Variants in GALT observed in about 807,000 individuals in gnomAD.
GALT encodes UDP-glucose--hexose-1-phosphate uridylyltransferase.
In GALT, 42 loss-of-function variants were observed where a neutral mutation model predicts 55.4. The ratio of observed to expected loss-of-function variants is 0.76; its 90% CI spans 0.59 to 0.98. The LOEUF is 0.98. Ranked by LOEUF, GALT falls within the 50% of genes least tolerant of loss-of-function variation. GALT has a pLI of 0.00. For synonymous variants in GALT, 154 were observed against 181.5 expected, an observed-to-expected ratio of 0.85 and a Z score of 1.22; for missense variants, 407 against 495.7, an observed-to-expected ratio of 0.82 and a Z score of 1.70.
chr9:34,648,873 C>T lies in GALT; in HGVS notation c.799C>T (p.Leu267=), dbSNP rs764006034. The change falls in exon 8 of 11, where the codon CTG becomes TTG. Residue 267 remains leucine, a synonymous_variant. Coordinates refer to ENST00000378842, the MANE Select transcript of GALT (RefSeq NM_000155.4). This position sits in a 1 kb window ranked among gnomAD's most constrained non-coding sequence, Gnocchi z 4.9. The stretch of plus-strand genomic sequence containing the variant: ...TCGGCATGTGCGGCGGCTACCTGAG[C>T]TGACCCCTGCTGAGCGTGATGGTCA... ...PRRHVRRLPE[L]TPAERDDLAS... is the part of the protein sequence containing the mutation. 2.5e-6 allele frequency: 4 copies of T among 1,613,200 alleles called. No individual in the cohort carries two copies. In the East Asian group the frequency reaches 8.9e-5, roughly 36 times the overall value.
chr9:34,650,313 C>CCATTCTTG, intron 10 of GALT, 56 bp from the exon 11 acceptor site: 1 of 1,077,482 alleles, frequency 9.3e-7, no homozygotes, highest in Non-Finnish European at 1.4e-6. Flanking sequence ...GTCCATGCCA[C>CCATTCTTG]CATTCTTGGC....
At chr9:34,650,169 G>C (rs1324448528) in intron 10 of GALT, 200 bp from the exon 11 acceptor site, 1 of 588,982 alleles carries the variant, frequency 1.7e-6, no homozygotes, top group African/African-American at 1.9e-5. Context: ...TGTGGTCCCA[G>C]ATACTTGGGA....
chr9:34,647,174 A>T lies in GALT; in HGVS notation c.168A>T (p.Gln56His). The T allele has an allele frequency of 1.2e-6, 2 of 1,614,162 alleles. No individual in the cohort carries two copies. The highest frequency in any genetic ancestry group is 1.7e-6 in the Non-Finnish European group (2 of 1,180,026). Reference sequence around the variant, plus strand: ...GCATGAAGCGGCCCTGGCAGGGTCAAGTGGAGCCCCAGCTTCTGAAGACAG... The same window carrying T: ...GCATGAAGCGGCCCTGGCAGGGTCATGTGGAGCCCCAGCTTCTGAAGACAG... The part of the protein sequence containing the change: ...AHRMKRPWQG[Q>H]VEPQLLKTVP... Residue 56 changes from glutamine (Q) to histidine (H), a missense_variant, in exon 2 of 11, where the codon CAA (glutamine) becomes CAT (histidine). Transcript: ENST00000378842. The surrounding 1 kb of genome is among the most constrained non-coding windows in gnomAD (Gnocchi z 5.6).
Position 34,649,038 on chromosome 9 carries a change from C to G in GALT, c.861C>G (p.Asp287Glu). The G allele has an allele frequency of 6.2e-7, 1 of 1,614,170 alleles. No individual in the cohort carries two copies. Among genetic ancestry groups the G allele is most frequent in the Non-Finnish European group, 8.5e-7 (1 of 1,180,018 alleles). The change falls in exon 9 of 11, where the codon GAC becomes GAG. Residue 287 changes from aspartate (D) to glutamate (E), a missense_variant. Coordinates refer to ENST00000378842, the MANE Select transcript of GALT (RefSeq NM_000155.4). ...SIMKKLLTKY[D>E]NLFETSFPYS... Reference sequence around the variant, plus strand: ...TGAAGAAGCTCTTGACCAAGTATGACAACCTCTTTGAGACGTCCTTTCCCT... The same window carrying G: ...TGAAGAAGCTCTTGACCAAGTATGAGAACCTCTTTGAGACGTCCTTTCCCT...
In GALT at chr9:34,648,411, A is replaced by C. The variant is rs1821165725; in HGVS notation, c.642A>C (p.Gly214=). 1 of 1,614,182 alleles carries C rather than the reference A, an allele frequency of 6.2e-7. No individual in the cohort carries two copies. The highest frequency in any genetic ancestry group is 1.3e-5 in the African/African-American group (1 of 75,036). Residue 214 remains glycine (G), a synonymous_variant, in exon 7 of 11, where the codon GGA becomes GGC. Coordinates refer to ENST00000378842, the MANE Select transcript of GALT (RefSeq NM_000155.4). This position sits in a 1 kb window ranked among gnomAD's most constrained non-coding sequence, Gnocchi z 4.9. ...RSQQAYKSQH[G]EPLLMEYSRQ... ...AGCAGGCCTATAAGAGTCAGCATGG[A>C]GAGCCCCTGCTAATGGAGTACAGCC...
chr9:34,647,308 C>A lies in GALT; in HGVS notation c.252+50C>A. The A allele has an allele frequency of 6.2e-7, 1 of 1,611,124 alleles. No homozygotes were observed. The highest frequency in any genetic ancestry group is 8.5e-7 in the Non-Finnish European group (1 of 1,177,652). On this transcript the variant is annotated intron_variant, in intron 2 of 10. Coordinates refer to ENST00000378842, the MANE Select transcript of GALT (RefSeq NM_000155.4). The surrounding 1 kb of genome is among the most constrained non-coding windows in gnomAD (Gnocchi z 5.6). ...GCAGGCTGGGCCACGGGGAGTAGTT[C>A]CCTCTTAGAACTGTCCTCCACCCAC...
Position 34,647,910 on chromosome 9 carries a change from T to G in GALT, c.456T>G (p.Asp152Glu). The G allele has an allele frequency of 6.2e-7, 1 of 1,614,224 alleles. No individual in the cohort carries two copies. The change falls in exon 5 of 11, where the codon GAT becomes GAG. Residue 152 changes from aspartate (D) to glutamate (E), a missense_variant. Asp to Glu is a conservative substitution (Grantham distance 45). Transcript: ENST00000378842. This position sits in a 1 kb window ranked among gnomAD's most constrained non-coding sequence, Gnocchi z 5.6. The stretch of plus-strand genomic sequence containing the variant: ...TCCCTGAGATCCGGGCTGTTGTTGA[T>G]GCATGGGCCTCAGTCACAGAGGAGC... ...MSVPEIRAVV[D>E]AWASVTEELG...
intron 10 of GALT, 181 bp downstream of exon 10, chr9:34,649,745 C>T: frequency 1.6e-6 from 1 of 639,630 alleles, no homozygotes; most frequent in South Asian, 1.8e-5. Context: ...CTCAGATCCC[C>T]CTTCTCTCCT....
chr9:34,648,656 T>C lies in GALT; in HGVS notation c.688-106T>C. 2.0e-6 allele frequency: 3 copies of C among 1,525,262 alleles called. No individual in the cohort carries two copies. The highest frequency in any genetic ancestry group is 1.8e-6 in the Non-Finnish European group (2 of 1,107,352). 94.5% of individuals were successfully genotyped at this position (1,525,262 alleles called of 1,614,324 possible). Reference sequence around the variant, plus strand: ...TAGTGGTAGAGGTGGTGAGAAGACATCAGATCCTGGGCACATTCTTTTCTT... The same window carrying C: ...TAGTGGTAGAGGTGGTGAGAAGACACCAGATCCTGGGCACATTCTTTTCTT... On this transcript the variant is annotated intron_variant, in intron 7 of 10. Transcript: ENST00000378842. The surrounding 1 kb of genome is among the most constrained non-coding windows in gnomAD (Gnocchi z 4.9).
chr9:34,647,889 T>C lies in GALT; in HGVS notation c.435T>C (p.Pro145=). 1 of 1,613,552 alleles carries C rather than the reference T, an allele frequency of 6.2e-7. No individual in the cohort carries two copies. The highest frequency in any genetic ancestry group is 8.5e-7 in the Non-Finnish European group (1 of 1,179,446). ...TAACGCTGCCACTCATGTCGGTCCC[T>C]GAGATCCGGGCTGTTGTTGATGCAT... The part of the protein sequence containing the change: ...SDVTLPLMSV[P]EIRAVVDAWA... The change falls in exon 5 of 11, where the codon CCT becomes CCC. Residue 145 remains proline, a synonymous_variant. Coordinates refer to ENST00000378842, the MANE Select transcript of GALT (RefSeq NM_000155.4). The surrounding 1 kb of genome is among the most constrained non-coding windows in gnomAD (Gnocchi z 5.6).
At position 34,650,878 on chromosome 9, in the gene GALT, G is replaced by A. The variant is rs764034200; in HGVS notation, c.*429G>A. 3.2e-5 allele frequency: 6 copies of A among 189,026 alleles called. No homozygotes were observed. Among genetic ancestry groups the A allele is most frequent in the Admixed American group, 5.7e-5 (1 of 17,672 alleles). The allele number at this position is 189,026 out of a possible 1,614,324, so 11.7% of individuals were successfully genotyped here. A position where few individuals can be genotyped will look rare whatever the true frequency, so the allele number is the denominator to read the frequency against. ...AGCCCCCTTTGCCACCACCCCTAGG[G>A]TGTCAGCTCCAAGCCTGGGCCTGAG... On this transcript the variant is annotated 3_prime_UTR_variant, in exon 11 of 11. Coordinates refer to ENST00000378842, the MANE Select transcript of GALT (RefSeq NM_000155.4).
Position 34,647,995 on chromosome 9 carries a change from G to C in GALT, c.507+34G>C. 6.2e-7 allele frequency: 1 copy of C among 1,614,228 alleles called. No homozygotes were observed. Among genetic ancestry groups the C allele is most frequent in the East Asian group, 2.2e-5 (1 of 44,884 alleles). On this transcript the variant is annotated intron_variant, in intron 5 of 10. Transcript: ENST00000378842. The surrounding 1 kb of genome is among the most constrained non-coding windows in gnomAD (Gnocchi z 5.6). ...GGTCGCCCCTTCCCCTGGATGGGCA[G>C]GGAGGGGGTGATGAAGCTTTGGTTC...
Position 34,648,621 on chromosome 9 carries a change from C to A in GALT, c.688-141C>A. 6.7e-7 allele frequency: 1 copy of A among 1,482,280 alleles called. No individual in the cohort carries two copies. The highest frequency in any genetic ancestry group is 9.4e-7 in the Non-Finnish European group (1 of 1,067,820). The allele number at this position is 1,482,280 out of a possible 1,614,324, so 91.8% of individuals were successfully genotyped here. A position where few individuals can be genotyped will look rare whatever the true frequency, so the allele number is the denominator to read the frequency against. On this transcript the variant is annotated intron_variant, in intron 7 of 10. Coordinates refer to ENST00000378842, the MANE Select transcript of GALT (RefSeq NM_000155.4). The surrounding 1 kb of genome is among the most constrained non-coding windows in gnomAD (Gnocchi z 4.9). Reference sequence around the variant, plus strand: ...AAAGGAAAGATGATGGTGACTTAGACTCGGGTGGTTAGTGGTAGAGGTGGT... The same window carrying A: ...AAAGGAAAGATGATGGTGACTTAGAATCGGGTGGTTAGTGGTAGAGGTGGT...
rs187392064 is a variant in GALT, at chr9:34,648,714, C to T, written c.688-48C>T. On this transcript the variant is annotated intron_variant, in intron 7 of 10. Transcript: ENST00000378842. The surrounding 1 kb of genome is among the most constrained non-coding windows in gnomAD (Gnocchi z 4.9). ...CCTTGCCTATTTGCTGACCACACTC[C>T]GGCTCCTATGTCACCTTGATGACTT... 36 of 1,609,806 alleles carry T rather than the reference C, an allele frequency of 2.2e-5. No homozygotes were observed. The highest frequency in any genetic ancestry group is 3.4e-4 in the Middle Eastern group (2 of 5,810).
At position 34,648,760 on chromosome 9, in the gene GALT, A is replaced by C. The variant is rs398123185; in HGVS notation, c.688-2A>C. On this transcript the variant is annotated splice_acceptor_variant, in intron 7 of 10. Coordinates refer to ENST00000378842, the MANE Select transcript of GALT (RefSeq NM_000155.4). LOFTEE classifies it high-confidence loss of function. This position sits in a 1 kb window ranked among gnomAD's most constrained non-coding sequence, Gnocchi z 4.9. ...GACTTCCTATCCATTCTGTCTTCCT[A>C]GGAACGTCTGGTCCTAACCAGTGAG... is the stretch of plus-strand genomic sequence containing the variant. 5.6e-6 allele frequency: 9 copies of C among 1,613,126 alleles called. No homozygotes were observed. The South Asian group carries it at 9.9e-5, about 18-fold the overall frequency.
rs373173308 is a variant in GALT, at chr9:34,648,518, G to A, written c.687+62G>A. Reference sequence around the variant, plus strand: ...CCTAACTTTCTTATCCCATGAGAGAGGTGTGTAAAGGAGAAAGCTAGAGGT... The same window carrying A: ...CCTAACTTTCTTATCCCATGAGAGAAGTGTGTAAAGGAGAAAGCTAGAGGT... On this transcript the variant is annotated intron_variant, in intron 7 of 10. Transcript: ENST00000378842. The surrounding 1 kb of genome is among the most constrained non-coding windows in gnomAD (Gnocchi z 4.9). 3,149 of 1,612,616 alleles carry A rather than the reference G, an allele frequency of 2.0e-3. 91 individuals are homozygous for A. The South Asian group carries it at 0.032, about 17-fold the overall frequency.
In GALT at chr9:34,647,945, A is replaced by C. The variant is rs754390906; in HGVS notation, c.491A>C (p.Gln164Pro). ...WASVTEELGA[Q>P]YPWVQIFENK... is the part of the protein sequence containing the mutation. ...TCAGTCACAGAGGAGCTGGGTGCCCAGTACCCTTGGGTGCAGGTTTGTGAG... is the reference window on the plus strand; with the variant it reads ...TCAGTCACAGAGGAGCTGGGTGCCCCGTACCCTTGGGTGCAGGTTTGTGAG... The change falls in exon 5 of 11, where the codon CAG becomes CCG. Residue 164 changes from glutamine to proline, a missense_variant. Coordinates refer to ENST00000378842, the MANE Select transcript of GALT (RefSeq NM_000155.4). This position sits in a 1 kb window ranked among gnomAD's most constrained non-coding sequence, Gnocchi z 5.6. 1 of 1,614,212 alleles carries C rather than the reference A, an allele frequency of 6.2e-7. No homozygotes were observed. The highest frequency in any genetic ancestry group is 8.5e-7 in the Non-Finnish European group (1 of 1,180,030).
Position 34,648,218 on chromosome 9 carries a change from C to T in GALT, c.564+47C>T. The T allele has an allele frequency of 6.2e-7, 1 of 1,613,894 alleles. No homozygotes were observed. Among genetic ancestry groups the T allele is most frequent in the Non-Finnish European group, 8.5e-7 (1 of 1,180,024 alleles). On this transcript the variant is annotated intron_variant, in intron 6 of 10. Coordinates refer to ENST00000378842, the MANE Select transcript of GALT (RefSeq NM_000155.4). The surrounding 1 kb of genome is among the most constrained non-coding windows in gnomAD (Gnocchi z 4.9). The stretch of plus-strand genomic sequence containing the variant: ...GTGGGTTTCTTGGCTGAGTCTGAGC[C>T]AGCACTGTGGACATGGGAACAGGAT...
rs111033694 is a variant in GALT at position 34,647,897 on chromosome 9, G to A, written c.443G>A (p.Arg148Gln). The A allele has an allele frequency of 4.3e-6, 7 of 1,614,038 alleles. No individual in the cohort carries two copies. In the Admixed American group the frequency reaches 8.3e-5, roughly 19 times the overall value. The stretch of plus-strand genomic sequence containing the variant: ...CCACTCATGTCGGTCCCTGAGATCC[G>A]GGCTGTTGTTGATGCATGGGCCTCA... Reference protein sequence around the residue: ...TLPLMSVPEIRAVVDAWASVT... With the variant: ...TLPLMSVPEIQAVVDAWASVT... The change falls in exon 5 of 11, where the codon CGG becomes CAG. Residue 148 changes from arginine (R) to glutamine (Q), a missense_variant. Coordinates refer to ENST00000378842, the MANE Select transcript of GALT (RefSeq NM_000155.4). This position sits in a 1 kb window ranked among gnomAD's most constrained non-coding sequence, Gnocchi z 5.6.
Sources: gnomAD v4.1 joint callset for allele counts on GRCh38, gnomAD v4.1.1 for gene constraint, Gnocchi (gnomAD v3.1) non-coding constraint, MANE v1.5 for transcripts, NCBI Gene and HGNC (gene_info 2026-07-23, HGNC 2026-07-21) for gene names.